SLC1A4: variants seen among roughly 807,000 people sequenced by gnomAD.
The protein encoded by SLC1A4 is solute carrier family 1 member 4.
Under a neutral mutation model 37.7 loss-of-function variants are expected in SLC1A4, and 19 were observed. The observed-to-expected ratio is 0.50, with a 90% CI of 0.35 to 0.74. The LOEUF (loss-of-function observed/expected upper bound fraction) is 0.74, where lower values mean the gene tolerates loss of function less well. SLC1A4 is among the 30% of genes least tolerant of loss of function. The pLI, the probability that SLC1A4 is intolerant of heterozygous loss-of-function variation, is 0.01. For synonymous variants in SLC1A4, 299 were observed against 309.8 expected, an observed-to-expected ratio of 0.97 and a Z score of 0.37; for missense variants, 570 against 712.9, an observed-to-expected ratio of 0.80 and a Z score of 2.28.
In SLC1A4 at chr2:65,021,026, AGTGG is replaced by A; in HGVS notation, c.1480_1483del (p.Val494LysfsTer16). 6.2e-7 allele frequency: 1 copy of A among 1,614,246 alleles called. No homozygotes were observed. The highest frequency in any genetic ancestry group is 8.5e-7 in the Non-Finnish European group (1 of 1,180,040). ...GCGAGCAGGAACTTGCTGAGGTGAA[AGTGG>A]AAGCCATCCCCAACTGCAAGTCTGA... is the stretch of plus-strand genomic sequence containing the variant. On this transcript the variant is annotated frameshift_variant, in exon 8 of 8. Transcript: ENST00000234256. LOFTEE classifies it high-confidence loss of function.
chr2:64,999,270 T>C (rs1366270113), intron 1 of SLC1A4, among the ~76,000 whole-genome samples: 1 of 152,246 alleles, frequency 6.6e-6, no homozygotes, highest in Non-Finnish European at 1.5e-5. Context: ...AGATTAATTT[T>C]TTCTGCTTAA....
intron 5 of SLC1A4, among the ~76,000 whole-genome samples, 172 bp downstream of exon 5, chr2:65,016,845 G>A (rs915250942): frequency 2.6e-5 from 4 of 152,088 alleles, no homozygotes; most frequent in South Asian, 2.1e-4. Context: ...GGATCTTCCC[G>A]TGATTGCCCA....
chr2:65,012,708 G>A (rs1406559089), intron 4 of SLC1A4, among the ~76,000 whole-genome samples: 2 of 152,088 alleles, frequency 1.3e-5, no homozygotes, highest in Non-Finnish European at 2.9e-5. Flanking sequence ...CTTTTGTTAA[G>A]TCTAAAATAT....
At chr2:65,016,390 T>C in intron 4 of SLC1A4, 50 bp from the exon 5 acceptor site, 1 of 1,440,642 alleles carries the variant, frequency 6.9e-7, no homozygotes, top group Non-Finnish European at 9.8e-7. Context: ...CCTGCATCTC[T>C]CACCCCAGCT....
chr2:64,989,709 C>A lies in SLC1A4; in HGVS notation c.66C>A (p.Pro22=). 6.6e-7 allele frequency: 1 copy of A among 1,517,100 alleles called. No homozygotes were observed. The highest frequency in any genetic ancestry group is 8.8e-7 in the Non-Finnish European group (1 of 1,138,472). The allele number at this position is 1,517,100 out of a possible 1,614,324, so 94.0% of individuals were successfully genotyped here. Residue 22 remains proline, a synonymous_variant, in exon 1 of 8, where the codon CCC becomes CCA. Transcript: ENST00000234256. The stretch of plus-strand genomic sequence containing the variant: ...CTCAGGCGGGGCCTGCGGCCGGGCC[C>A]GGAGCTCCGGGGACCGCGGCGGGAC... The part of the protein sequence containing the change: ...DSAQAGPAAG[P]GAPGTAAGRA...
Position 65,018,579 on chromosome 2 carries a change from G to A in SLC1A4, c.1264G>A (p.Gly422Ser), listed in dbSNP as rs1199522742. 1.2e-6 allele frequency: 2 copies of A among 1,614,120 alleles called. No homozygotes were observed. The highest frequency in any genetic ancestry group is 1.7e-6 in the Non-Finnish European group (2 of 1,180,060). Residue 422 changes from glycine (G) to serine (S), a missense_variant, in exon 7 of 8, where the codon GGC becomes AGC. Physicochemically the swap from Gly to Ser is moderately conservative, Grantham distance 56. Coordinates refer to ENST00000234256, the MANE Select transcript of SLC1A4 (RefSeq NM_003038.5). The surrounding 1 kb of genome is among the most constrained non-coding windows in gnomAD (Gnocchi z 4.3). ...CACAGCGTCCAGTGTTGGAGCAGCAGGCGTGCCAGCTGGAGGGGTCCTCAC... is the reference window on the plus strand; with the variant it reads ...CACAGCGTCCAGTGTTGGAGCAGCAAGCGTGCCAGCTGGAGGGGTCCTCAC... The part of the protein sequence containing the change: ...TATASSVGAA[G>S]VPAGGVLTIA...
chr2:65,001,400 A>C, intron 1 of SLC1A4, 48 bp from the exon 2 acceptor site: 1 of 1,584,844 alleles, frequency 6.3e-7, no homozygotes, highest in Non-Finnish European at 8.7e-7. Context: ...CTCATCTCTA[A>C]AAAATTGTTT....
intron 3 of SLC1A4, among the ~76,000 whole-genome samples, chr2:65,007,913 C>T (rs1434957350): frequency 1.3e-5 from 2 of 152,098 alleles, no homozygotes; most frequent in African/African-American, 2.4e-5. Context: ...AACTATCAAA[C>T]ACTAAGTGTA....
Position 65,021,492 on chromosome 2 carries a change from A to T in SLC1A4, c.*346A>T. ...TACATCTTGGAAAAAATGCAGATGT[A>T]TTTCACTCTCCCCGGTCAGCTCTGC... is the stretch of plus-strand genomic sequence containing the variant. On this transcript the variant is annotated 3_prime_UTR_variant, in exon 8 of 8. Transcript: ENST00000234256. 3.7e-6 allele frequency: 1 copy of T among 271,818 alleles called. No individual in the cohort carries two copies. Among genetic ancestry groups the T allele is most frequent in the Non-Finnish European group, 7.0e-6 (1 of 142,508 alleles). 16.8% of individuals were successfully genotyped at this position (271,818 alleles called of 1,614,324 possible). A position where few individuals can be genotyped will look rare whatever the true frequency, so the allele number is the denominator to read the frequency against.
Position 65,021,200 on chromosome 2 carries a change from C to G in SLC1A4, c.*54C>G. 1 of 1,439,940 alleles carries G rather than the reference C, an allele frequency of 6.9e-7. No homozygotes were observed. The highest frequency in any genetic ancestry group is 9.7e-7 in the Non-Finnish European group (1 of 1,032,154). The allele number at this position is 1,439,940 out of a possible 1,614,324, so 89.2% of individuals were successfully genotyped here. On this transcript the variant is annotated 3_prime_UTR_variant, in exon 8 of 8. Transcript: ENST00000234256. ...GCAGTGATGTCCCACCCTGTTCACCCAGCCGCCAGTCATGGACACAGGGCA... is the reference window on the plus strand; with the variant it reads ...GCAGTGATGTCCCACCCTGTTCACCGAGCCGCCAGTCATGGACACAGGGCA...
chr2:65,003,926 T>G lies in SLC1A4; in HGVS notation c.571-27T>G, dbSNP rs777821306. On this transcript the variant is annotated intron_variant, in intron 2 of 7. Coordinates refer to ENST00000234256, the MANE Select transcript of SLC1A4 (RefSeq NM_003038.5). ...TCGGTCTTCACCTGTGCACTAACAG[T>G]GGGTTTTTTTTTCCTCTTGATCACA... 1.9e-6 allele frequency: 3 copies of G among 1,595,878 alleles called. No individual in the cohort carries two copies. The South Asian group carries it at 3.3e-5, about 18-fold the overall frequency.
Position 64,989,871 on chromosome 2 carries a change from C to G in SLC1A4, c.228C>G (p.Ala76=). The stretch of plus-strand genomic sequence containing the variant: ...GCCGCACGCAGGTCACCTACCTGGC[C>G]TTCCCCGGCGAGATGCTGCTCCGCA... ...SLSRTQVTYL[A]FPGEMLLRML... The change falls in exon 1 of 8, where the codon GCC becomes GCG. Residue 76 remains alanine, a synonymous_variant. Transcript: ENST00000234256. The G allele has an allele frequency of 6.5e-7, 1 of 1,542,612 alleles. No homozygotes were observed. The highest frequency in any genetic ancestry group is 8.7e-7 in the Non-Finnish European group (1 of 1,148,414).
chr2:65,012,548 C>T (rs563551362), intron 4 of SLC1A4, among the ~76,000 whole-genome samples: 1 of 152,272 alleles, frequency 6.6e-6, no homozygotes, highest in Admixed American at 6.5e-5. Context: ...AGTTTAGACC[C>T]CCTACCAGTG....
In SLC1A4 at chr2:65,018,533, G is replaced by C; in HGVS notation, c.1230-12G>C. On this transcript the variant is annotated splice_polypyrimidine_tract_variant and intron_variant, in intron 6 of 7. Coordinates refer to ENST00000234256, the MANE Select transcript of SLC1A4 (RefSeq NM_003038.5). This position sits in a 1 kb window ranked among gnomAD's most constrained non-coding sequence, Gnocchi z 4.3. Reference sequence around the variant, plus strand: ...CTATGTTAATGGCTGGCCCTGCTCTGCCATCCCTTAGAGTGACTGCCACAG... The same window carrying C: ...CTATGTTAATGGCTGGCCCTGCTCTCCCATCCCTTAGAGTGACTGCCACAG... 1 of 1,613,904 alleles carries C rather than the reference G, an allele frequency of 6.2e-7. No homozygotes were observed. Among genetic ancestry groups the C allele is most frequent in the Non-Finnish European group, 8.5e-7 (1 of 1,179,916 alleles).
At chr2:65,017,064 A>G (rs1409879266) in intron 5 of SLC1A4, among the ~76,000 whole-genome samples, 1 of 152,156 alleles carries the variant, frequency 6.6e-6, no homozygotes, top group East Asian at 1.9e-4. Context: ...CTTGCTCCTT[A>G]GAGGTCAGCA....
intron 2 of SLC1A4, 69 bp downstream of exon 2, chr2:65,001,559 G>A: frequency 7.0e-7 from 1 of 1,418,660 alleles, no homozygotes; most frequent in South Asian, 1.2e-5. Flanking sequence ...CTGCTATAGA[G>A]TTAGGTAAGG....
At chr2:65,020,738 G>A (rs1452344140) in intron 7 of SLC1A4, among the ~76,000 whole-genome samples, 174 bp from the exon 8 acceptor site, 1 of 152,150 alleles carries the variant, frequency 6.6e-6, no homozygotes, top group Admixed American at 6.5e-5. Flanking sequence ...AAAATAAAAA[G>A]TGTTTAAAGA....
intron 1 of SLC1A4, chr2:65,000,753 G>C (rs1459860838): frequency 1.3e-5 from 2 of 152,204 alleles, no homozygotes; most frequent in East Asian, 3.8e-4. Context: ...AGTAATTATA[G>C]ATAAGGTTTT....
intron 1 of SLC1A4, chr2:64,999,887 T>C (rs1673398063): frequency 6.6e-6 from 1 of 152,072 alleles, no homozygotes; most frequent in South Asian, 2.1e-4. Context: ...CCCATCACCT[T>C]TGCTGCATTT....
Sources: allele counts gnomAD v4.1 joint callset (sites outside exome capture counted in the v4.1 genomes callset), GRCh38; gene constraint gnomAD v4.1.1; non-coding constraint Gnocchi (gnomAD v3.1); transcripts MANE v1.5; gene names NCBI Gene and HGNC (gene_info 2026-07-23, HGNC 2026-07-21).